EML4: variants seen among roughly 807,000 people sequenced by gnomAD.
EML4 encodes EMAP like 4, also known as echinoderm microtubule-associated protein-like 4.
EML4 carries 72 observed loss-of-function variants against 129.0 expected under a neutral mutation model. That is an observed-to-expected ratio of 0.56 (90% CI 0.46 to 0.68). The LOEUF is 0.68. Ranked by LOEUF, EML4 falls within the 30% of genes least tolerant of loss-of-function variation. The pLI is 0.00. For missense variants in EML4, 1,363 were observed against 1,190.6 expected, an observed-to-expected ratio of 1.14 and a Z score of -2.13; for synonymous variants, 532 against 405.0, an observed-to-expected ratio of 1.31 and a Z score of -3.77.
At chr2:42,201,927 C>T (rs777823859) in intron 1 of EML4, among the ~76,000 whole-genome samples, 1 of 151,944 alleles carries the variant, frequency 6.6e-6, no homozygotes, top group Non-Finnish European at 1.5e-5. Flanking sequence ...ACTAAAAATA[C>T]AAAAAATTAG....
chr2:42,226,268 T>C lies in EML4; in HGVS notation c.26-19237T>C, dbSNP rs139260026. ...AGCCATGACACTGAAGGGACAGGGATTGGGGAGATGTTGGCCAGAAGACAC... is the reference window on the plus strand; with the variant it reads ...AGCCATGACACTGAAGGGACAGGGACTGGGGAGATGTTGGCCAGAAGACAC... On this transcript the variant is annotated intron_variant, in intron 1 of 22. Transcript: ENST00000318522. Among the ~76,000 whole-genome samples, 304 of 152,036 alleles carry C rather than the reference T, an allele frequency of 2.0e-3. 2 individuals carry two copies. Among genetic ancestry groups the C allele is most frequent in the African/African-American group, 7.0e-3 (292 of 41,474 alleles).
chr2:42,318,825 C>T (rs1333627698), intron 19 of EML4, among the ~76,000 whole-genome samples: 1 of 152,112 alleles, frequency 6.6e-6, no homozygotes, highest in Non-Finnish European at 1.5e-5. Context: ...CTGCCTCAGC[C>T]TCCTGACTAG....
At chr2:42,195,485 C>A (rs1470907054) in intron 1 of EML4, among the ~76,000 whole-genome samples, 2 of 151,638 alleles carry the variant, frequency 1.3e-5, no homozygotes, top group African/African-American at 4.9e-5. Flanking sequence ...ACTGTGAAAT[C>A]CGTTTGTTAG....
intron 2 of EML4, among the ~76,000 whole-genome samples, chr2:42,254,236 C>A (rs1054587661): frequency 6.6e-6 from 1 of 152,058 alleles, no homozygotes; most frequent in Non-Finnish European, 1.5e-5. Context: ...AGGTGGATTG[C>A]TTGAACCTAA....
chr2:42,197,739 C>G (rs1236717253), intron 1 of EML4, among the ~76,000 whole-genome samples: 2 of 152,020 alleles, frequency 1.3e-5, no homozygotes, highest in Non-Finnish European at 2.9e-5. Context: ...AAACGTGTAG[C>G]AAAATAGTGA....
chr2:42,277,654 C>T (rs1364743654), intron 6 of EML4, among the ~76,000 whole-genome samples: 3 of 151,796 alleles, frequency 2.0e-5, no homozygotes, highest in Non-Finnish European at 4.4e-5. Flanking sequence ...CTGCAACCCC[C>T]GCCTCCCAGG....
At chr2:42,283,818 G>A (rs1037882603) in intron 8 of EML4, among the ~76,000 whole-genome samples, 2 of 152,172 alleles carry the variant, frequency 1.3e-5, no homozygotes, top group African/African-American at 4.8e-5. Flanking sequence ...TACTGGTGAG[G>A]TTGTAGTGTA....
chr2:42,263,454 G>C (rs1665862594), intron 5 of EML4, 148 bp downstream of exon 5: 2 of 747,246 alleles, frequency 2.7e-6, no homozygotes, highest in South Asian at 2.0e-5. Flanking sequence ...CGCCAGGCTG[G>C]AGTGCAGTGG....
chr2:42,219,786 G>A (rs555153666), intron 1 of EML4, among the ~76,000 whole-genome samples: 32 of 151,966 alleles, frequency 2.1e-4, no homozygotes, highest in South Asian at 1.9e-3. Flanking sequence ...TTAGCCGGGC[G>A]TAAGGGGCGC....
At chr2:42,250,509 G>C (rs11124867) in intron 2 of EML4, among the ~76,000 whole-genome samples, 75,875 of 152,020 alleles carry the variant, frequency 0.5, 19,226 homozygotes, top group East Asian at 0.74. Context: ...TGGAGTGTCT[G>C]ATTATTTTGT....
chr2:42,271,516 A>G (rs1038864917), intron 6 of EML4, among the ~76,000 whole-genome samples: 2 of 152,204 alleles, frequency 1.3e-5, no homozygotes, highest in African/African-American at 2.4e-5. Context: ...ATTTTTTAAA[A>G]TAGAAACTAT....
At chr2:42,226,369 T>G (rs187401774) in intron 1 of EML4, among the ~76,000 whole-genome samples, 92 of 152,074 alleles carry the variant, frequency 6.0e-4, no homozygotes, top group Non-Finnish European at 9.9e-4. Context: ...AATAAAAAAA[T>G]AAATTATGGG....
At chr2:42,188,906 G>A (rs1374270981) in intron 1 of EML4, among the ~76,000 whole-genome samples, 1 of 152,186 alleles carries the variant, frequency 6.6e-6, no homozygotes, top group African/African-American at 2.4e-5. Context: ...AAGGCAGGAG[G>A]ATCGCTTGAG....
At chr2:42,202,805 C>G (rs1672309826) in intron 1 of EML4, among the ~76,000 whole-genome samples, 1 of 152,162 alleles carries the variant, frequency 6.6e-6, no homozygotes, top group African/African-American at 2.4e-5. Flanking sequence ...TCAATCCAAT[C>G]AAGTTGACAC....
chr2:42,327,608 C>T (rs1669876764), intron 21 of EML4, among the ~76,000 whole-genome samples: 1 of 152,154 alleles, frequency 6.6e-6, no homozygotes, highest in Non-Finnish European at 1.5e-5. Context: ...GGGGCTTCTT[C>T]CTAATCTGAC....
rs561960768 is a variant in EML4, at chr2:42,282,727, T to C, written c.792-96T>C. On this transcript the variant is annotated intron_variant, in intron 7 of 22. Transcript: ENST00000318522. ...TTTTCTAGTTCTAGTTCAGTCTTCT[T>C]CATTGTACCTTCCTAATTCCTTAAG... 55 of 1,107,014 alleles carry C rather than the reference T, an allele frequency of 5.0e-5. 1 individual carries two copies. The Middle Eastern group carries it at 2.5e-3, about 50-fold the overall frequency. The allele number at this position is 1,107,014 out of a possible 1,614,324, so 68.6% of individuals were successfully genotyped here. A position where few individuals can be genotyped will look rare whatever the true frequency, so the allele number is the denominator to read the frequency against.
At chr2:42,186,262 C>T (rs1166526190) in intron 1 of EML4, among the ~76,000 whole-genome samples, 1 of 151,980 alleles carries the variant, frequency 6.6e-6, no homozygotes, top group African/African-American at 2.4e-5. Context: ...ACTTTTATTT[C>T]CCTGTATTAA....
intron 2 of EML4, among the ~76,000 whole-genome samples, chr2:42,253,634 T>G (rs532031532): frequency 6.6e-6 from 1 of 152,304 alleles, no homozygotes; most frequent in South Asian, 2.1e-4. Context: ...TTAGTTGTTT[T>G]GATATTAAGT....
intron 12 of EML4, 53 bp from the exon 13 acceptor site, chr2:42,295,328 A>G: frequency 6.2e-7 from 1 of 1,604,334 alleles, no homozygotes; most frequent in Non-Finnish European, 8.5e-7. Flanking sequence ...TTTAATAAGC[A>G]TCAAGTTGTC....
Sources: gnomAD v4.1 joint callset for allele counts (sites outside exome capture counted in the v4.1 genomes callset) on GRCh38, gnomAD v4.1.1 for gene constraint, MANE v1.5 for transcripts, NCBI Gene and HGNC (gene_info 2026-07-23, HGNC 2026-07-21) for gene names.